Variants in FRK observed in about 807,000 individuals in gnomAD.
FRK encodes the protein fyn related Src family tyrosine kinase, also known as tyrosine-protein kinase FRK.
A neutral mutation model predicts 56.4 loss-of-function variants in FRK; 51 were observed. That is an observed-to-expected ratio of 0.90 (90% CI 0.72 to 1.14). The LOEUF (loss-of-function observed/expected upper bound fraction) is 1.14, where lower values mean the gene tolerates loss of function less well. Ranked by LOEUF, FRK falls within the 50% of genes most tolerant of loss-of-function variation. The probability of loss-of-function intolerance (pLI) is 0.00; values close to 1 mark genes in which losing one functional copy is unlikely to be tolerated. For synonymous variants in FRK, 245 were observed against 217.9 expected (o/e 1.12, Z -1.10); for missense variants, 570 against 601.4 (o/e 0.95, Z 0.55).
chr6:116,054,776 C>T (rs1242316813), intron 1 of FRK, among the ~76,000 whole-genome samples: 2 of 151,638 alleles, frequency 1.3e-5, no homozygotes, highest in Non-Finnish European at 2.9e-5. Context: ...AGATAAAGAA[C>T]AATTGTGGAA....
intron 5 of FRK, among the ~76,000 whole-genome samples, chr6:115,953,079 A>G (rs1415213567): frequency 6.7e-6 from 1 of 148,934 alleles, no homozygotes; most frequent in Non-Finnish European, 1.5e-5. Flanking sequence ...TAATAATAAT[A>G]AAATAAAAAA....
chr6:116,059,867 C>T (rs1777550256), intron 1 of FRK, 101 bp downstream of exon 1: 2 of 1,010,676 alleles, frequency 2.0e-6, no homozygotes, highest in Admixed American at 4.5e-5. Flanking sequence ...ACTTTTTAGG[C>T]AACTCTTTGG....
chr6:116,049,872 G>GAATTTC (rs1197934579), intron 1 of FRK, among the ~76,000 whole-genome samples: 6 of 152,102 alleles, frequency 3.9e-5, no homozygotes, highest in Admixed American at 2.6e-4. Flanking sequence ...TTCTATGAAG[G>GAATTTC]TTAGAAAACT....
At chr6:116,070,685 A>G in the FRK span, among the ~76,000 whole-genome samples, 11 of 152,200 alleles carry the variant, frequency 7.2e-5, no homozygotes, top group East Asian at 5.8e-4. Context: ...TCTATCACCC[A>G]TGTTGTAAAA....
In FRK at chr6:115,934,959, T is replaced by C. The variant is rs1772018769; in HGVS notation, c.*7455A>G. On this transcript the variant is annotated 3_prime_UTR_variant, in exon 8 of 8. Coordinates refer to ENST00000606080, the MANE Select transcript of FRK (RefSeq NM_002031.3). Reference sequence around the variant, plus strand: ...ACCAGACCAAAAAAAAAAAAAAACTTTCATAACCAAGTTTGGACATTATTC... The same window carrying C: ...ACCAGACCAAAAAAAAAAAAAAACTCTCATAACCAAGTTTGGACATTATTC... 2 of 152,242 alleles carry C rather than the reference T, an allele frequency of 1.3e-5. No individual in the cohort carries two copies. Among genetic ancestry groups the C allele is most frequent in the African/African-American group, 2.4e-5 (1 of 41,548 alleles). 9.4% of individuals were successfully genotyped at this position (152,242 alleles called of 1,614,324 possible).
the FRK span, among the ~76,000 whole-genome samples, chr6:116,081,913 G>T: frequency 6.6e-6 from 1 of 151,982 alleles, no homozygotes; most frequent in Non-Finnish European, 1.5e-5. Context: ...TAGTGGGAGG[G>T]GAGAGAATAA....
intron 2 of FRK, among the ~76,000 whole-genome samples, chr6:115,998,694 G>A (rs1212754754): frequency 1.3e-5 from 2 of 152,186 alleles, no homozygotes; most frequent in African/African-American, 2.4e-5. Flanking sequence ...TTCAGGGACT[G>A]TGCCTTGCTG....
At chr6:116,079,865 TC>T in the FRK span, among the ~76,000 whole-genome samples, 13 of 152,206 alleles carry the variant, frequency 8.5e-5, no homozygotes, top group East Asian at 2.5e-3. Context: ...TGAGCCACTC[TC>T]CTTGGCCATA....
chr6:116,074,256 G>T, the FRK span, among the ~76,000 whole-genome samples: 150,350 of 152,262 alleles, frequency 0.99, 74,237 homozygotes, highest in Middle Eastern at 1. Flanking sequence ...ACACCTTTGT[G>T]TACATGCTTT....
At position 115,944,363 on chromosome 6, in the gene FRK, C is replaced by T; in HGVS notation, c.1021G>A (p.Gly341Arg). ...TTCCGAGACTCCAGATAGGCCATTCCAGAGGCAACCTGTGCCGCCATGTCT... is the reference window on the plus strand; with the variant it reads ...TTCCGAGACTCCAGATAGGCCATTCTAGAGGCAACCTGTGCCGCCATGTCT... ...QVDMAAQVAS[G>R]MAYLESRNYI... The change falls in exon 6 of 8, where the codon GGA (glycine) becomes AGA (arginine). Residue 341 changes from glycine (G) to arginine (R), a missense_variant. Physicochemically the swap from Gly to Arg is moderately radical, Grantham distance 125. Coordinates refer to ENST00000606080, the MANE Select transcript of FRK (RefSeq NM_002031.3). 1 of 1,612,820 alleles carries T rather than the reference C, an allele frequency of 6.2e-7. No individual in the cohort carries two copies. Among genetic ancestry groups the T allele is most frequent in the Non-Finnish European group, 8.5e-7 (1 of 1,179,548 alleles).
chr6:116,044,119 G>C (rs1182578821), intron 1 of FRK, among the ~76,000 whole-genome samples: 1 of 152,132 alleles, frequency 6.6e-6, no homozygotes, highest in Non-Finnish European at 1.5e-5. Flanking sequence ...AGAAAACCCA[G>C]GACCAGACGG....
intron 1 of FRK, among the ~76,000 whole-genome samples, chr6:116,036,373 T>G (rs1776479970): frequency 6.6e-6 from 1 of 152,116 alleles, no homozygotes; most frequent in South Asian, 2.1e-4. Flanking sequence ...AACTAAAACA[T>G]TCATTACTTA....
chr6:115,944,733 T>C (rs1382951193), intron 5 of FRK, among the ~76,000 whole-genome samples: 4 of 152,124 alleles, frequency 2.6e-5, no homozygotes, highest in African/African-American at 4.8e-5. Context: ...TTATTTATCT[T>C]TTATTTTAAG....
the FRK span, among the ~76,000 whole-genome samples, chr6:116,084,271 T>G: frequency 8.1e-3 from 1,235 of 152,334 alleles, 6 homozygotes; most frequent in Non-Finnish European, 0.012. Context: ...TGTGTATAAG[T>G]ATTGCTACAC....
At chr6:116,095,355 A>C in the FRK span, among the ~76,000 whole-genome samples, 1 of 152,252 alleles carries the variant, frequency 6.6e-6, no homozygotes, top group Non-Finnish European at 1.5e-5. Context: ...CAAACCTTAA[A>C]GTATTTACAG....
At chr6:116,002,089 T>A (rs1775084280) in intron 2 of FRK, among the ~76,000 whole-genome samples, 1 of 152,314 alleles carries the variant, frequency 6.6e-6, no homozygotes, top group Middle Eastern at 3.4e-3. Flanking sequence ...CTTTCGAAAG[T>A]CTTATTCTAG....
chr6:116,057,933 A>G (rs1777458412), intron 1 of FRK, among the ~76,000 whole-genome samples: 1 of 152,224 alleles, frequency 6.6e-6, no homozygotes, highest in Non-Finnish European at 1.5e-5. Context: ...TTTCTTCAGC[A>G]TTTCTAATAC....
intron 1 of FRK, among the ~76,000 whole-genome samples, chr6:116,033,025 GT>G (rs2114766749): frequency 6.6e-6 from 1 of 152,182 alleles, no homozygotes; most frequent in Non-Finnish European, 1.5e-5. Context: ...GTAGCCTTTT[GT>G]TGTCATTTTT....
intron 4 of FRK, among the ~76,000 whole-genome samples, chr6:115,960,289 C>A (rs1773290037): frequency 6.6e-6 from 1 of 150,614 alleles, no homozygotes. Context: ...GTGACGGACG[C>A]ACCTGGAAAA....
Sources: allele counts gnomAD v4.1 joint callset (sites outside exome capture counted in the v4.1 genomes callset), GRCh38; gene constraint gnomAD v4.1.1; transcripts MANE v1.5; gene names NCBI Gene and HGNC (gene_info 2026-07-23, HGNC 2026-07-21).